Variants in MYO15A observed in about 807,000 individuals in gnomAD.
The protein encoded by MYO15A is unconventional myosin-XV.
In MYO15A, 308 loss-of-function variants were observed where a neutral mutation model predicts 394.6. The observed-to-expected ratio is 0.78, with a 90% confidence interval of 0.71 to 0.86. MYO15A has a LOEUF of 0.86. MYO15A is among the 40% of genes least tolerant of loss of function. The pLI is 0.00. For missense variants in MYO15A, 4,606 were observed against 4,799.1 expected (o/e 0.96, Z 1.19); for synonymous variants, 1,957 against 2,003.8 (o/e 0.98, Z 0.62).
In MYO15A at chr17:18,121,151, CG is replaced by C; in HGVS notation, c.2354del (p.Gly785AlafsTer78). 6.6e-7 allele frequency: 1 copy of C among 1,511,290 alleles called. No individual in the cohort carries two copies. Among genetic ancestry groups the C allele is most frequent in the Non-Finnish European group, 8.8e-7 (1 of 1,136,058 alleles). The allele number at this position is 1,511,290 out of a possible 1,614,324, so 93.6% of individuals were successfully genotyped here. ...CCCCAGCCCTCGCTGAGGAGCTCGC[CG>C]GGCCTCGGCTACTGCTCACCCTTGG... ...ASPQPSLRSSPGLGYCSPLAP... is the reference protein window; with the variant it reads ...ASPQPSLRSSXGLGYCSPLAP... On this transcript the variant is annotated frameshift_variant, in exon 2 of 66. Transcript: ENST00000647165. LOFTEE classifies it high-confidence loss of function. This position sits in a 1 kb window ranked among gnomAD's most constrained non-coding sequence, Gnocchi z 5.3.
chr17:18,131,654 A>G (rs1036718293), intron 10 of MYO15A, 123 bp downstream of exon 10: 18 of 1,175,366 alleles, frequency 1.5e-5, no homozygotes, highest in Middle Eastern at 2.7e-4. Flanking sequence ...ACATGCGTAC[A>G]TGTGTACATG....
rs1275240762 is a variant in MYO15A, at chr17:18,171,657, A to C, written c.10102A>C (p.Ile3368Leu). The change falls in exon 63 of 66, where the codon ATC becomes CTC. Residue 3368 changes from isoleucine to leucine, a missense_variant. Ile to Leu is a conservative substitution (Grantham distance 5). This residue lies in a region of MYO15A where 2,776 missense variants were observed against 3,109.3 expected (regional missense o/e 0.89). Transcript: ENST00000647165. ...LPSVREVQEY[I>L]PAQLYRTTAG... Reference sequence around the variant, plus strand: ...ACACAGGCGGGAAGTCCAGGAGTACATCCCAGCCCAGCTCTACCGTACAAC... The same window carrying C: ...ACACAGGCGGGAAGTCCAGGAGTACCTCCCAGCCCAGCTCTACCGTACAAC... 1.9e-6 allele frequency: 3 copies of C among 1,613,760 alleles called. No homozygotes were observed. The African/African-American group carries it at 4.0e-5, about 22-fold the overall frequency.
rs200546510 is a variant in MYO15A at position 18,148,169 on chromosome 17, A to G, written c.6650A>G (p.Tyr2217Cys). ...ACCCAGCTCGAGTGGACAGCGACCT[A>G]TGAGAAGGCCAGCATGGCGCTGGAC... ...PPTQLEWTAT[Y>C]EKASMALDVG... The change falls in exon 31 of 66, where the codon TAT becomes TGT. Residue 2217 changes from tyrosine to cysteine, a missense_variant. By Grantham distance (194) the Tyr-to-Cys change is radical. This residue lies in a region of MYO15A where 2,776 missense variants were observed against 3,109.3 expected (regional missense o/e 0.89). Coordinates refer to ENST00000647165, the MANE Select transcript of MYO15A (RefSeq NM_016239.4). This position sits in a 1 kb window ranked among gnomAD's most constrained non-coding sequence, Gnocchi z 4.8. 1.2e-5 allele frequency: 20 copies of G among 1,613,766 alleles called. No homozygotes were observed. Among genetic ancestry groups the G allele is most frequent in the Non-Finnish European group, 1.6e-5 (19 of 1,180,014 alleles).
Position 18,121,536 on chromosome 17 carries a change from A to G in MYO15A, c.2736A>G (p.Glu912=). The G allele has an allele frequency of 1.3e-6, 2 of 1,572,602 alleles. No homozygotes were observed. The highest frequency in any genetic ancestry group is 2.3e-5 in the South Asian group (2 of 85,460). The change falls in exon 2 of 66, where the codon GAA becomes GAG. Residue 912 remains glutamate, a synonymous_variant. Coordinates refer to ENST00000647165, the MANE Select transcript of MYO15A (RefSeq NM_016239.4). This position sits in a 1 kb window ranked among gnomAD's most constrained non-coding sequence, Gnocchi z 5.3. ...APLEHRESPR[E]PEDSETPWTV... is the part of the protein sequence containing the mutation. ...TGGAACACCGGGAGAGCCCGCGAGA[A>G]CCCGAGGACTCAGAGACGCCCTGGA...
chr17:18,172,552 G>T, intron 64 of MYO15A: 1 of 535,590 alleles, frequency 1.9e-6, no homozygotes, highest in Non-Finnish European at 3.4e-6. Context: ...GTACATCTGT[G>T]TGCTTAGGCT....
At position 18,154,329 on chromosome 17, in the gene MYO15A, T is replaced by C. The variant is rs1339784072; in HGVS notation, c.8148+139T>C. ...GGGGTGAGGATGGGCAGCTGTTTTA[T>C]TGAATCTCCCCCTCCCATGGGCAGG... On this transcript the variant is annotated intron_variant, in intron 44 of 65. Coordinates refer to ENST00000647165, the MANE Select transcript of MYO15A (RefSeq NM_016239.4). 5.8e-5 allele frequency: 58 copies of C among 999,412 alleles called. 1 individual carries two copies. The highest frequency in any genetic ancestry group is 8.7e-5 in the Non-Finnish European group (57 of 652,720). 61.9% of individuals were successfully genotyped at this position (999,412 alleles called of 1,614,324 possible).
chr17:18,150,786 T>G lies in MYO15A; in HGVS notation c.7395+21T>G. The G allele has an allele frequency of 6.3e-7, 1 of 1,581,382 alleles. No individual in the cohort carries two copies. ...TGCTGGTGAGTGAGGGAGGGACTGC[T>G]GGGGGGTGGAGAATGGACCTGCCTG... On this transcript the variant is annotated intron_variant, in intron 37 of 65. Coordinates refer to ENST00000647165, the MANE Select transcript of MYO15A (RefSeq NM_016239.4). This position sits in a 1 kb window ranked among gnomAD's most constrained non-coding sequence, Gnocchi z 4.4.
chr17:18,137,556 A>G, intron 15 of MYO15A, 28 bp from the exon 16 acceptor site: 4 of 1,607,328 alleles, frequency 2.5e-6, no homozygotes, highest in Admixed American at 3.3e-5. Flanking sequence ...AGGAAGGACC[A>G]GTCCCAGCAC....
chr17:18,125,179 A>G lies in MYO15A; in HGVS notation c.3704A>G (p.Glu1235Gly). The G allele has an allele frequency of 1.9e-6, 3 of 1,614,136 alleles. No individual in the cohort carries two copies. The highest frequency in any genetic ancestry group is 2.5e-6 in the Non-Finnish European group (3 of 1,180,034). ...CTGTGTCCTTCTAGAGACCTCCAGG[A>G]AACCACTGTGCTGTCCAACCTCAAG... is the stretch of plus-strand genomic sequence containing the variant. ...EDMTQLEDLQ[E>G]TTVLSNLKIR... is the part of the protein sequence containing the mutation. Residue 1235 changes from glutamate to glycine, a missense_variant, in exon 4 of 66, where the codon GAA becomes GGA. By Grantham distance (98) the Glu-to-Gly change is moderately conservative. Transcript: ENST00000647165.
Position 18,124,583 on chromosome 17 carries a change from G to A in MYO15A, c.3692+18G>A, listed in dbSNP as rs750674185. 6.2e-7 allele frequency: 1 copy of A among 1,611,716 alleles called. No individual in the cohort carries two copies. Among genetic ancestry groups the A allele is most frequent in the Non-Finnish European group, 8.5e-7 (1 of 1,179,528 alleles). On this transcript the variant is annotated intron_variant, in intron 3 of 65. Transcript: ENST00000647165. ...CAGCTGGAGTGAGTGGGCAGGGCCG[G>A]CGGGGTCAGCAAGGGGTCACCATGG...
At chr17:18,160,151 G>A (rs925548467) in intron 56 of MYO15A, 134 bp downstream of exon 56, 5 of 852,260 alleles carry the variant, frequency 5.9e-6, no homozygotes, top group African/African-American at 3.3e-5. Flanking sequence ...TCACTCAATA[G>A]AGCACGTTTT....
chr17:18,141,498 A>G (rs1308784379), intron 22 of MYO15A, among the ~76,000 whole-genome samples, 155 bp from the exon 23 acceptor site: 1 of 152,192 alleles, frequency 6.6e-6, no homozygotes, highest in Admixed American at 6.5e-5. Flanking sequence ...AGTCTTGAGG[A>G]TGGAGTGCCT....
chr17:18,159,715 C>T, intron 55 of MYO15A, 36 bp downstream of exon 55: 1 of 1,608,022 alleles, frequency 6.2e-7, no homozygotes, highest in Admixed American at 1.7e-5. Context: ...GCCCCCTTTC[C>T]TGCTCTGTGG....
At chr17:18,110,859 C>CT (rs2045711413) in intron 1 of MYO15A, among the ~76,000 whole-genome samples, 1 of 152,238 alleles carries the variant, frequency 6.6e-6, no homozygotes, top group South Asian at 2.1e-4. Flanking sequence ...GACCTTTGCA[C>CT]ATGCTGTTCC....
In MYO15A at chr17:18,124,560, G is replaced by C; in HGVS notation, c.3687G>C (p.Gln1229His). 1.9e-6 allele frequency: 3 copies of C among 1,613,120 alleles called. No individual in the cohort carries two copies. Among genetic ancestry groups the C allele is most frequent in the Non-Finnish European group, 2.5e-6 (3 of 1,179,966 alleles). Residue 1229 changes from glutamine (Q) to histidine (H), a missense_variant, in exon 3 of 66, where the codon CAG becomes CAC. By Grantham distance (24) the Gln-to-His change is conservative. This residue lies in a region of MYO15A where 2,776 missense variants were observed against 3,109.3 expected (regional missense o/e 0.89). Coordinates refer to ENST00000647165, the MANE Select transcript of MYO15A (RefSeq NM_016239.4). ...HGEDGVEDMTQLEDLQETTVL... is the reference protein window; with the variant it reads ...HGEDGVEDMTHLEDLQETTVL... Reference sequence around the variant, plus strand: ...AGGATGGTGTGGAGGACATGACACAGCTGGAGTGAGTGGGCAGGGCCGGCG... The same window carrying C: ...AGGATGGTGTGGAGGACATGACACACCTGGAGTGAGTGGGCAGGGCCGGCG...
At chr17:18,139,288 G>A in intron 18 of MYO15A, 1 of 618,724 alleles carries the variant, frequency 1.6e-6, no homozygotes, top group East Asian at 2.9e-5. Context: ...CCATGCCTCT[G>A]TCCCCATCCG....
intron 17 of MYO15A, 30 bp from the exon 18 acceptor site, chr17:18,138,781 C>G: frequency 6.2e-7 from 1 of 1,612,240 alleles, no homozygotes; most frequent in Non-Finnish European, 8.5e-7. Flanking sequence ...AGGCCTCCTG[C>G]CCACCCACTG....
chr17:18,159,083 T>G (rs1463849656), intron 53 of MYO15A, 86 bp downstream of exon 53: 11 of 1,463,798 alleles, frequency 7.5e-6, no homozygotes, highest in South Asian at 1.2e-5. Flanking sequence ...AACAAACTTG[T>G]TCTCAGTGAG....
At chr17:18,146,236 C>A in intron 30 of MYO15A, 129 bp downstream of exon 30, 1 of 980,174 alleles carries the variant, frequency 1.0e-6, no homozygotes, top group Non-Finnish European at 1.6e-6. Context: ...TGGAGGCTGG[C>A]CAGGGCTGCT....
Sources: allele counts gnomAD v4.1 joint callset (sites outside exome capture counted in the v4.1 genomes callset), GRCh38; gene constraint gnomAD v4.1.1; regional missense constraint gnomAD v4.1.1; non-coding constraint Gnocchi (gnomAD v3.1); transcripts MANE v1.5; gene names NCBI Gene and HGNC (gene_info 2026-07-23, HGNC 2026-07-21).